Variants in FBXO16 observed in about 807,000 individuals in gnomAD.
The protein encoded by FBXO16 is F-box protein 16, also known as F-box only protein 16.
In FBXO16, 31 loss-of-function variants were observed where a neutral mutation model predicts 41.0. The ratio of observed to expected loss-of-function variants is 0.76; its 90% CI spans 0.57 to 1.02. The LOEUF is 1.02. FBXO16 is among the 50% of genes least tolerant of loss of function. The pLI, the probability that FBXO16 is intolerant of heterozygous loss-of-function variation, is 0.00. For synonymous variants in FBXO16, 133 were observed against 117.8 expected, an observed-to-expected ratio of 1.13 and a Z score of -0.84; for missense variants, 361 against 346.2, an observed-to-expected ratio of 1.04 and a Z score of -0.34.
intron 2 of FBXO16, 117 bp downstream of exon 2, chr8:28,483,231 T>C: frequency 2.1e-6 from 2 of 950,256 alleles, no homozygotes; most frequent in South Asian, 1.9e-5. Flanking sequence ...TTTTGGTTTT[T>C]ATTCATCCAT....
rs777392394 is a variant in FBXO16, at chr8:28,456,901, CT to C, written c.371del (p.Glu124GlyfsTer8). On this transcript the variant is annotated frameshift_variant, in exon 5 of 9. Coordinates refer to ENST00000380254, the MANE Select transcript of FBXO16 (RefSeq NM_172366.4). LOFTEE classifies it high-confidence loss of function. ...ATTTCAGCATCCAGAGCTGGTCCAGCTCAGCAAGGTTCTTCCAATGCCAGCA... is the reference window on the plus strand; with the variant it reads ...ATTTCAGCATCCAGAGCTGGTCCAGCCAGCAAGGTTCTTCCAATGCCAGCA... ...QVCWHWKNLA[E>X]LDQLWMLKCL... 6.2e-7 allele frequency: 1 copy of C among 1,613,852 alleles called. No homozygotes were observed. The highest frequency in any genetic ancestry group is 1.1e-5 in the South Asian group (1 of 90,968).
Position 28,484,326 on chromosome 8 carries a change from G to T in FBXO16, c.-16-864C>A, listed in dbSNP as rs539073358. The stretch of plus-strand genomic sequence containing the variant: ...AGCGTATTGAAGAGGTAGCATGGTG[G>T]GAGAGACAAAGCCAAGGCTTTGGAA... On this transcript the variant is annotated intron_variant, in intron 1 of 8. Coordinates refer to ENST00000380254, the MANE Select transcript of FBXO16 (RefSeq NM_172366.4). Among the ~76,000 whole-genome samples, 8 of 152,316 alleles carry T rather than the reference G, an allele frequency of 5.3e-5. No homozygotes were observed. In the South Asian group the frequency reaches 1.7e-3, roughly 32 times the overall value.
intron 7 of FBXO16, among the ~76,000 whole-genome samples, chr8:28,440,134 G>A (rs900925717): frequency 1.3e-5 from 2 of 151,660 alleles, no homozygotes; most frequent in Non-Finnish European, 2.9e-5. Context: ...TTATTTAAGT[G>A]CTCTGTCACC....
At chr8:28,467,804 C>T (rs534713965) in intron 3 of FBXO16, among the ~76,000 whole-genome samples, 5 of 152,250 alleles carry the variant, frequency 3.3e-5, no homozygotes, top group African/African-American at 9.6e-5. Context: ...CTTTCCCCAG[C>T]GATTAAAAAG....
chr8:28,482,009 G>A (rs919489662), intron 2 of FBXO16, among the ~76,000 whole-genome samples: 1 of 152,138 alleles, frequency 6.6e-6, no homozygotes, highest in African/African-American at 2.4e-5. Context: ...GCAAACCACT[G>A]TTACGTGTAT....
intron 3 of FBXO16, among the ~76,000 whole-genome samples, chr8:28,473,564 G>C (rs887588099): frequency 2.0e-5 from 3 of 152,172 alleles, no homozygotes; most frequent in African/African-American, 4.8e-5. Context: ...GGCCTCAGCA[G>C]ACACTGAATC....
chr8:28,484,595 T>G (rs1438174402), intron 1 of FBXO16, among the ~76,000 whole-genome samples: 2 of 152,174 alleles, frequency 1.3e-5, no homozygotes, highest in African/African-American at 2.4e-5. Flanking sequence ...TTTTATTAAC[T>G]GATTGATTTA....
At chr8:28,438,082 G>A (rs1802711251) in intron 7 of FBXO16, among the ~76,000 whole-genome samples, 1 of 152,058 alleles carries the variant, frequency 6.6e-6, no homozygotes, top group South Asian at 2.1e-4. Context: ...TTGGGAGGCT[G>A]AAGCAGGCAG....
intron 6 of FBXO16, among the ~76,000 whole-genome samples, chr8:28,449,403 C>T (rs1802917274): frequency 6.7e-6 from 1 of 149,414 alleles, no homozygotes; most frequent in African/African-American, 2.5e-5. Context: ...CTCATTGCAG[C>T]CTCCACTTCC....
rs1223236760 is a variant in FBXO16, at chr8:28,454,740, AAAAAAAAAAAAGG to A, written c.507+2013_507+2025del. Among the ~76,000 whole-genome samples, 14 of 105,410 alleles carry A rather than the reference AAAAAAAAAAAAGG, an allele frequency of 1.3e-4. 1 individual carries two copies. Among genetic ancestry groups the A allele is most frequent in the African/African-American group, 5.3e-4 (13 of 24,364 alleles). 69.2% of individuals were successfully genotyped at this position (105,410 alleles called of 152,430 possible). ...AAGACTCCGTCTTAAAAAAAAAAAA[AAAAAAAAAAAAGG>A]ATCATTAATTCTATATAGTACAAAA... is the stretch of plus-strand genomic sequence containing the variant. On this transcript the variant is annotated intron_variant, in intron 5 of 8. Coordinates refer to ENST00000380254, the MANE Select transcript of FBXO16 (RefSeq NM_172366.4).
intron 4 of FBXO16, among the ~76,000 whole-genome samples, chr8:28,462,634 T>G (rs1464430085): frequency 6.6e-6 from 1 of 152,246 alleles, no homozygotes; most frequent in Admixed American, 6.5e-5. Context: ...CATATATGAA[T>G]GCACACTGGC....
intron 2 of FBXO16, among the ~76,000 whole-genome samples, chr8:28,479,371 A>C (rs1237386599): frequency 6.6e-6 from 1 of 152,144 alleles, no homozygotes; most frequent in African/African-American, 2.4e-5. Flanking sequence ...TCTACATGCT[A>C]ATCTCCGAAT....
chr8:28,481,040 G>C (rs372585611), intron 2 of FBXO16, among the ~76,000 whole-genome samples: 4 of 134,242 alleles, frequency 3.0e-5, no homozygotes, highest in Middle Eastern at 3.8e-3. Context: ...GTGTGGGAGA[G>C]CAGGGTTCAC....
chr8:28,479,785 A>G (rs1159149293), intron 2 of FBXO16, among the ~76,000 whole-genome samples: 1 of 151,868 alleles, frequency 6.6e-6, no homozygotes, highest in Non-Finnish European at 1.5e-5. Context: ...CAGTGGTACA[A>G]TCGTGGCTTA....
chr8:28,473,390 A>C (rs977554510), intron 3 of FBXO16, among the ~76,000 whole-genome samples: 2 of 152,074 alleles, frequency 1.3e-5, no homozygotes, highest in African/African-American at 4.8e-5. Flanking sequence ...TCAACCCCCC[A>C]GTGTGATGGG....
intron 5 of FBXO16, among the ~76,000 whole-genome samples, chr8:28,455,459 AC>A (rs1803025077): frequency 6.6e-6 from 1 of 151,934 alleles, no homozygotes; most frequent in Non-Finnish European, 1.5e-5. Context: ...CTGGTCTCAA[AC>A]TCCTGGCCTC....
At chr8:28,429,352 A>T in intron 8 of FBXO16, 26 bp downstream of exon 8, 1 of 1,612,814 alleles carries the variant, frequency 6.2e-7, no homozygotes, top group Non-Finnish European at 8.5e-7. Flanking sequence ...CAAATGTCAC[A>T]GGTTGATATC....
chr8:28,445,559 A>G (rs1585896897), intron 7 of FBXO16, among the ~76,000 whole-genome samples: 1 of 152,184 alleles, frequency 6.6e-6, no homozygotes, highest in East Asian at 1.9e-4. Flanking sequence ...ATAATGGCCC[A>G]TGTGATAAGC....
Position 28,428,474 on chromosome 8 carries a change from G to T in FBXO16, c.*253C>A. 1 of 1,306,196 alleles carries T rather than the reference G, an allele frequency of 7.7e-7. No individual in the cohort carries two copies. Among genetic ancestry groups the T allele is most frequent in the East Asian group, 2.6e-5 (1 of 38,098 alleles). The allele number at this position is 1,306,196 out of a possible 1,614,324, so 80.9% of individuals were successfully genotyped here. A position where few individuals can be genotyped will look rare whatever the true frequency, so the allele number is the denominator to read the frequency against. ...CACTACCACAATAAGTACTTAAGCT[G>T]AAAGAGTTTCTAATGGGAGCCAAGT... On this transcript the variant is annotated 3_prime_UTR_variant, in exon 9 of 9. Transcript: ENST00000380254.
Sources: allele counts gnomAD v4.1 joint callset (sites outside exome capture counted in the v4.1 genomes callset), GRCh38; gene constraint gnomAD v4.1.1; transcripts MANE v1.5; gene names NCBI Gene and HGNC (gene_info 2026-07-23, HGNC 2026-07-21).